Variants in NCOR2 observed in about 807,000 individuals in gnomAD.
The protein encoded by NCOR2 is nuclear receptor corepressor 2, also known as CTG repeat protein 26.
A neutral mutation model predicts 262.9 loss-of-function variants in NCOR2; 81 were observed. The observed-to-expected ratio is 0.31, with a 90% CI of 0.26 to 0.37. The LOEUF (loss-of-function observed/expected upper bound fraction) is 0.37, where lower values mean the gene tolerates loss of function less well. Ranked by LOEUF, NCOR2 falls within the 10% of genes least tolerant of loss-of-function variation. The pLI, the probability that NCOR2 is intolerant of heterozygous loss-of-function variation, is 1.00. For synonymous variants in NCOR2, 1,659 were observed against 1,559.3 expected (o/e 1.06, Z -1.51); for missense variants, 3,385 against 3,621.4 (o/e 0.93, Z 1.68).
At chr12:124,399,223 T>C (rs564582791) in intron 15 of NCOR2, among the ~76,000 whole-genome samples, 1 of 151,998 alleles carries the variant, frequency 6.6e-6, no homozygotes, top group African/African-American at 2.4e-5. Context: ...CCTGGGCCTC[T>C]CTGGGACCTC....
At chr12:124,445,106 C>T (rs868630920) in intron 7 of NCOR2, among the ~76,000 whole-genome samples, 1 of 152,188 alleles carries the variant, frequency 6.6e-6, no homozygotes, top group Admixed American at 6.5e-5. Flanking sequence ...AAACGAGCAA[C>T]GGAAGAAACC....
chr12:124,525,614 C>A (rs935188449), intron 1 of NCOR2, among the ~76,000 whole-genome samples: 2 of 152,242 alleles, frequency 1.3e-5, no homozygotes, highest in Non-Finnish European at 2.9e-5. Flanking sequence ...GCAGCTGCTG[C>A]GTGCCTGAGG....
At chr12:124,561,510 A>G (rs1017015088) in intron 1 of NCOR2, among the ~76,000 whole-genome samples, 1 of 152,160 alleles carries the variant, frequency 6.6e-6, no homozygotes, top group Non-Finnish European at 1.5e-5. Flanking sequence ...ATTCTCACCA[A>G]TGCAGAAAGT....
chr12:124,433,904 A>ACACACACG (rs1555222717), intron 8 of NCOR2, among the ~76,000 whole-genome samples: 39,513 of 93,690 alleles, frequency 0.42, 10,567 homozygotes, highest in Non-Finnish European at 0.53. Flanking sequence ...ACACACGCAC[A>ACACACACG]CACACACACA....
chr12:124,450,689 C>T (rs1397616903), intron 6 of NCOR2, among the ~76,000 whole-genome samples: 1 of 152,170 alleles, frequency 6.6e-6, no homozygotes, highest in Non-Finnish European at 1.5e-5. Flanking sequence ...GCAGAAAGCA[C>T]GGCAGCATCT....
chr12:124,457,034 T>G lies in NCOR2; in HGVS notation c.762+72A>C. On this transcript the variant is annotated intron_variant, in intron 6 of 46. Transcript: ENST00000405201. The surrounding 1 kb of genome is among the most constrained non-coding windows in gnomAD (Gnocchi z 4.0). ...GATGACTTCCTCCTCCGCCGCACCCTCCCGCCTCCCTGCCCACCTCTCCAG... is the reference window on the plus strand; with the variant it reads ...GATGACTTCCTCCTCCGCCGCACCCGCCCGCCTCCCTGCCCACCTCTCCAG... The G allele has an allele frequency of 1.2e-6, 1 of 826,066 alleles. No homozygotes were observed. The highest frequency in any genetic ancestry group is 1.8e-6 in the Non-Finnish European group (1 of 561,568). 51.2% of individuals were successfully genotyped at this position (826,066 alleles called of 1,614,324 possible).
intron 16 of NCOR2, among the ~76,000 whole-genome samples, chr12:124,387,890 C>T (rs1187615392): frequency 1.3e-5 from 2 of 150,660 alleles, no homozygotes; most frequent in Admixed American, 6.6e-5. Flanking sequence ...CCATCTGGGC[C>T]TGCTGGGTGG....
At chr12:124,334,593 G>C (rs1301468218) in exon 41 of NCOR2, 2 of 1,407,404 alleles carry the variant, frequency 1.4e-6, no homozygotes, top group African/African-American at 3.0e-5. Context: ...GGGTGGTGCC[G>C]GGTGTAGTCC....
At chr12:124,564,191 C>T (rs1004626914) in intron 1 of NCOR2, among the ~76,000 whole-genome samples, 3 of 152,196 alleles carry the variant, frequency 2.0e-5, no homozygotes, top group Admixed American at 2.0e-4. Flanking sequence ...AAGTCAGTTC[C>T]CTGGCTCCAA....
chr12:124,342,088 G>A lies in NCOR2; in HGVS notation c.4937-14C>T, dbSNP rs1313553091. Reference sequence around the variant, plus strand: ...AGTAGGCAGCGGCTGCGGGGCAGAGGGGAGCTCATGTGAGGCCAGCCATAC... The same window carrying A: ...AGTAGGCAGCGGCTGCGGGGCAGAGAGGAGCTCATGTGAGGCCAGCCATAC... On this transcript the variant is annotated splice_polypyrimidine_tract_variant and intron_variant, in intron 33 of 46. Coordinates refer to ENST00000405201, the Ensembl canonical transcript of NCOR2. The A allele has an allele frequency of 1.9e-6, 3 of 1,598,092 alleles. No homozygotes were observed. Among genetic ancestry groups the A allele is most frequent in the Non-Finnish European group, 2.6e-6 (3 of 1,171,902 alleles).
chr12:124,373,692 C>T lies in NCOR2; in HGVS notation c.2218+721G>A, dbSNP rs113051793. On this transcript the variant is annotated intron_variant, in intron 19 of 46. Coordinates refer to ENST00000405201, the Ensembl canonical transcript of NCOR2. ...GAGGCCAGTGCGTGCGCAGGGGCCC[C>T]GGGCACAGTGGACAATCATGAGGCC... is the stretch of plus-strand genomic sequence containing the variant. Among the ~76,000 whole-genome samples the T allele has an allele frequency of 7.5e-3, 726 of 97,228 alleles. 22 individuals are homozygous for T. Among genetic ancestry groups the T allele is most frequent in the South Asian group, 0.015 (27 of 1,858 alleles). The allele number at this position is 97,228 out of a possible 152,430, so 63.8% of individuals were successfully genotyped here.
At chr12:124,353,846 T>A (rs2037718908) in intron 27 of NCOR2, among the ~76,000 whole-genome samples, 1 of 152,222 alleles carries the variant, frequency 6.6e-6, no homozygotes, top group African/African-American at 2.4e-5. Context: ...ACCAGCCTAC[T>A]TATTTACCCT....
intron 16 of NCOR2, among the ~76,000 whole-genome samples, chr12:124,397,882 C>A (rs985703369): frequency 5.3e-5 from 8 of 152,260 alleles, no homozygotes; most frequent in African/African-American, 1.9e-4. Flanking sequence ...CTCTGAGCTG[C>A]GCCCTCAAGT....
intron 44 of NCOR2, among the ~76,000 whole-genome samples, chr12:124,329,521 G>A (rs2034999741): frequency 6.6e-6 from 1 of 152,072 alleles, no homozygotes; most frequent in South Asian, 2.1e-4. Context: ...AGGATCCTCA[G>A]CTTGAGGACA....
At chr12:124,505,458 G>A (rs1051196258) in intron 1 of NCOR2, among the ~76,000 whole-genome samples, 2 of 152,246 alleles carry the variant, frequency 1.3e-5, no homozygotes, top group African/African-American at 4.8e-5. Flanking sequence ...GCACCTGTAG[G>A]AGCAGGAGCT....
intron 5 of NCOR2, among the ~76,000 whole-genome samples, chr12:124,460,251 G>A (rs1010908418): frequency 1.3e-5 from 2 of 152,248 alleles, no homozygotes; most frequent in African/African-American, 2.4e-5. Context: ...CACAGTGGAT[G>A]CTCAGGAATG....
chr12:124,404,491 C>T (rs2042162840), intron 13 of NCOR2, among the ~76,000 whole-genome samples: 1 of 152,248 alleles, frequency 6.6e-6, no homozygotes, highest in Admixed American at 6.5e-5. Context: ...TGCACCTAGG[C>T]TGGTGGGGGC....
chr12:124,411,044 G>A (rs936634392), intron 13 of NCOR2, among the ~76,000 whole-genome samples: 1 of 146,230 alleles, frequency 6.8e-6, no homozygotes, highest in East Asian at 2.0e-4. Context: ...GGAGGGGGCG[G>A]GGGAGGAGGA....
chr12:124,397,761 C>T (rs1266724226), intron 16 of NCOR2, among the ~76,000 whole-genome samples: 1 of 152,204 alleles, frequency 6.6e-6, no homozygotes, highest in Admixed American at 6.5e-5. Context: ...CTGACTGTCC[C>T]GAGATACCCA....
Sources: gnomAD v4.1 joint callset for allele counts (sites outside exome capture counted in the v4.1 genomes callset) on GRCh38, gnomAD v4.1.1 for gene constraint, Gnocchi (gnomAD v3.1) non-coding constraint, MANE v1.5 for transcripts, NCBI Gene and HGNC (gene_info 2026-07-23, HGNC 2026-07-21) for gene names.